Variants in VOPP1 observed in about 807,000 individuals in gnomAD.
VOPP1 encodes WW domain binding protein VOPP1.
VOPP1 carries 8 observed loss-of-function variants against 23.5 expected under a neutral mutation model. The ratio of observed to expected loss-of-function variants is 0.34; its 90% CI spans 0.20 to 0.61. The LOEUF (loss-of-function observed/expected upper bound fraction) is 0.61. Among genes scored for constraint, VOPP1 ranks in the 20% least tolerant of loss-of-function variants. The pLI is 0.78. For synonymous variants in VOPP1, 83 were observed against 97.3 expected, an observed-to-expected ratio of 0.85 and a Z score of 0.86; for missense variants, 174 against 238.1, an observed-to-expected ratio of 0.73 and a Z score of 1.77.
chr7:55,519,279 C>T (rs1036760479), intron 2 of VOPP1, among the ~76,000 whole-genome samples: 6 of 152,214 alleles, frequency 3.9e-5, no homozygotes, highest in Non-Finnish European at 7.3e-5. Flanking sequence ...AAAAGCAGGG[C>T]TTGTCTTTTG....
intron 4 of VOPP1, among the ~76,000 whole-genome samples, chr7:55,488,678 G>GC (rs892285372): frequency 1.2e-4 from 18 of 151,816 alleles, no homozygotes; most frequent in African/African-American, 3.4e-4. Flanking sequence ...ATGAGCCACT[G>GC]CCCCCCCTGC....
intron 4 of VOPP1, among the ~76,000 whole-genome samples, chr7:55,489,920 G>T (rs774716861): frequency 6.6e-6 from 1 of 152,140 alleles, no homozygotes; most frequent in Non-Finnish European, 1.5e-5. Context: ...AGCAGCCAGA[G>T]ACAACTTCAC....
intron 1 of VOPP1, chr7:55,537,574 TCGC>T: frequency 1.3e-6 from 2 of 1,535,950 alleles, no homozygotes. Flanking sequence ...CGCCAGCCAG[TCGC>T]CCACGGTCCT....
chr7:55,522,092 T>C (rs1433278631), intron 1 of VOPP1, among the ~76,000 whole-genome samples: 4 of 152,212 alleles, frequency 2.6e-5, no homozygotes, highest in African/African-American at 7.2e-5. Context: ...AGGGCCGTCC[T>C]GCCCAAAGCC....
At chr7:55,537,547 C>A (rs1370027516) in intron 1 of VOPP1, 1 of 1,536,004 alleles carries the variant, frequency 6.5e-7, no homozygotes, top group East Asian at 2.4e-5. Flanking sequence ...CGCAAGGATG[C>A]AGGCAGCGCA....
At chr7:55,469,740 G>A (rs1264938723), downstream of VOPP1, among the ~76,000 whole-genome samples, 1 of 152,218 alleles carries the variant, frequency 6.6e-6, no homozygotes, top group Non-Finnish European at 1.5e-5. Flanking sequence ...TAATTTGGGG[G>A]AGTGCTGGAT....
chr7:55,450,556 T>C (rs1245017748), intron 4 of VOPP1, among the ~76,000 whole-genome samples: 1 of 152,264 alleles, frequency 6.6e-6, no homozygotes, highest in Admixed American at 6.5e-5. Context: ...TATCATTACA[T>C]GTTGAAATAA....
chr7:55,536,049 A>T (rs1176225550), intron 1 of VOPP1, among the ~76,000 whole-genome samples: 1 of 152,192 alleles, frequency 6.6e-6, no homozygotes, highest in Admixed American at 6.5e-5. Context: ...CTGAGGAGTA[A>T]GGGCCCTGCC....
chr7:55,492,289 G>T lies in VOPP1; in HGVS notation c.321C>A (p.Pro107=). Residue 107 remains proline, a synonymous_variant, in exon 4 of 5, where the codon CCC becomes CCA. Transcript: ENST00000285279. ...AGGACAGGGCTGGCTGACCTGGGCC[G>T]GGATTTGGGGGCTGCCTGGTGTAGG... ...NVSYTRQPPN[P]GPGAQQPGPP... 6.2e-7 allele frequency: 1 copy of T among 1,609,696 alleles called. No homozygotes were observed.
At chr7:55,567,534 G>A (rs1487766054) in intron 1 of VOPP1, among the ~76,000 whole-genome samples, 1 of 152,162 alleles carries the variant, frequency 6.6e-6, no homozygotes, top group Non-Finnish European at 1.5e-5. Context: ...TCCTATCCTT[G>A]CCATGTATTT....
chr7:55,486,990 T>C (rs570797303), intron 4 of VOPP1, among the ~76,000 whole-genome samples: 113 of 152,102 alleles, frequency 7.4e-4, no homozygotes, highest in African/African-American at 2.6e-3. Flanking sequence ...CGGGGAGAGG[T>C]GGCCTGTAAG....
chr7:55,483,320 C>T (rs1389951147), intron 4 of VOPP1, among the ~76,000 whole-genome samples: 4 of 152,182 alleles, frequency 2.6e-5, no homozygotes, highest in African/African-American at 4.8e-5. Flanking sequence ...TGTCTTCAGG[C>T]TGTAATTTGA....
At chr7:55,561,079 T>C (rs1797969200) in intron 1 of VOPP1, among the ~76,000 whole-genome samples, 2 of 152,240 alleles carry the variant, frequency 1.3e-5, no homozygotes, top group South Asian at 4.2e-4. Context: ...CGACCATGGA[T>C]GCTCTGAGAT....
At chr7:55,504,279 G>C (rs550811248) in intron 2 of VOPP1, among the ~76,000 whole-genome samples, 1 of 152,136 alleles carries the variant, frequency 6.6e-6, no homozygotes, top group East Asian at 1.9e-4. Flanking sequence ...AGCTGAGCCC[G>C]CAGCACATAC....
At chr7:55,464,672 G>C (rs1263082479) in intron 4 of VOPP1, among the ~76,000 whole-genome samples, 1 of 152,210 alleles carries the variant, frequency 6.6e-6, no homozygotes, top group African/African-American at 2.4e-5. Flanking sequence ...AGCCAGTGTT[G>C]TGATGCTGCA....
At chr7:55,473,121 C>A in intron 4 of VOPP1, 76 bp from the exon 5 acceptor site, 1 of 1,534,112 alleles carries the variant, frequency 6.5e-7, no homozygotes, top group Non-Finnish European at 8.7e-7. Flanking sequence ...GGCTGCAGGG[C>A]CAGCAGACCA....
At chr7:55,553,566 A>G (rs1378711831) in intron 1 of VOPP1, among the ~76,000 whole-genome samples, 1 of 152,142 alleles carries the variant, frequency 6.6e-6, no homozygotes. Flanking sequence ...GATACAAATT[A>G]GGGGTCAAAA....
At chr7:55,490,731 G>A (rs1021592835) in intron 4 of VOPP1, among the ~76,000 whole-genome samples, 3 of 152,200 alleles carry the variant, frequency 2.0e-5, no homozygotes, top group East Asian at 3.8e-4. Flanking sequence ...AATCTGAAAC[G>A]ATTCAAATAT....
chr7:55,505,541 G>C (rs1306138109), intron 2 of VOPP1, among the ~76,000 whole-genome samples: 1 of 151,614 alleles, frequency 6.6e-6, no homozygotes, highest in Admixed American at 6.6e-5. Flanking sequence ...GAGCAGATCG[G>C]TTTCAGCATC....
Sources: gnomAD v4.1 joint callset for allele counts (sites outside exome capture counted in the v4.1 genomes callset) on GRCh38, gnomAD v4.1.1 for gene constraint, MANE v1.5 for transcripts, NCBI Gene and HGNC (gene_info 2026-07-23, HGNC 2026-07-21) for gene names.